Variants in PCTP observed in about 807,000 individuals in gnomAD.
The protein encoded by PCTP is phosphatidylcholine transfer protein.
In PCTP, 27 loss-of-function variants were observed where a neutral mutation model predicts 31.0. The ratio of observed to expected loss-of-function variants is 0.87; its 90% confidence interval spans 0.64 to 1.20. The LOEUF (loss-of-function observed/expected upper bound fraction) is 1.20, where lower values mean the gene tolerates loss of function less well. PCTP is among the 50% of genes most tolerant of loss of function. The pLI is 0.00. For missense variants in PCTP, 287 were observed against 268.2 expected (o/e 1.07, Z -0.49); for synonymous variants, 108 against 101.2 (o/e 1.07, Z -0.40).
Position 55,776,738 on chromosome 17 carries a change from A to C in PCTP, c.*638A>C, listed in dbSNP as rs905928055. 7.5e-5 allele frequency: 88 copies of C among 1,175,056 alleles called. No individual in the cohort carries two copies. Among genetic ancestry groups the C allele is most frequent in the Non-Finnish European group, 8.7e-5 (83 of 952,196 alleles). The allele number at this position is 1,175,056 out of a possible 1,614,324, so 72.8% of individuals were successfully genotyped here. A position where few individuals can be genotyped will look rare whatever the true frequency, so the allele number is the denominator to read the frequency against. ...GGATCAGTAGCTGTTATGATGCCAG[A>C]CCATTTGGAGAAGTATCAGAGGCCT... On this transcript the variant is annotated 3_prime_UTR_variant, in exon 6 of 6. Coordinates refer to ENST00000268896, the MANE Select transcript of PCTP (RefSeq NM_021213.4).
intron 5 of PCTP, among the ~76,000 whole-genome samples, chr17:55,830,188 C>A (rs1338268775): frequency 2.0e-5 from 3 of 152,146 alleles, no homozygotes; most frequent in African/African-American, 7.2e-5. Flanking sequence ...AAAACCTGGG[C>A]ATCAGGGAGA....
chr17:55,798,282 T>C (rs1567724272), intron 3 of PCTP, among the ~76,000 whole-genome samples: 2 of 151,978 alleles, frequency 1.3e-5, no homozygotes, highest in African/African-American at 4.8e-5. Context: ...AGGGATAATA[T>C]AGCAGAAGCA....
At chr17:55,751,270 G>C in intron 1 of PCTP, 26 bp downstream of exon 1, 1 of 1,527,898 alleles carries the variant, frequency 6.5e-7, no homozygotes, top group Non-Finnish European at 8.8e-7. Flanking sequence ...CTGGAGGACC[G>C]CGGGGCCTAG....
chr17:55,771,283 A>C, intron 3 of PCTP, 98 bp downstream of exon 3: 2 of 901,416 alleles, frequency 2.2e-6, no homozygotes, highest in Non-Finnish European at 3.7e-6. Flanking sequence ...GTTTCTCAGC[A>C]GGCACAGATA....
Position 55,751,096 on chromosome 17 carries a change from G to T in PCTP, c.-8G>T. On this transcript the variant is annotated 5_prime_UTR_variant, in exon 1 of 6. Transcript: ENST00000268896. ...CCCTCCAGGCGGAGGAGCCCGGACTGCGGAAGGATGGAGCTGGCCGCCGGA... is the reference window on the plus strand; with the variant it reads ...CCCTCCAGGCGGAGGAGCCCGGACTTCGGAAGGATGGAGCTGGCCGCCGGA... 6.5e-7 allele frequency: 1 copy of T among 1,531,902 alleles called. No individual in the cohort carries two copies. Among genetic ancestry groups the T allele is most frequent in the Non-Finnish European group, 8.8e-7 (1 of 1,139,584 alleles). The allele number at this position is 1,531,902 out of a possible 1,614,324, so 94.9% of individuals were successfully genotyped here. A position where few individuals can be genotyped will look rare whatever the true frequency, so the allele number is the denominator to read the frequency against.
chr17:55,806,703 C>CAGG (rs960837711), intron 3 of PCTP, among the ~76,000 whole-genome samples: 5 of 152,074 alleles, frequency 3.3e-5, no homozygotes, highest in Non-Finnish European at 5.9e-5. Context: ...CGGTACTGGA[C>CAGG]AGGAACATGC....
intron 4 of PCTP, 90 bp downstream of exon 4, chr17:55,773,985 C>A: frequency 7.1e-7 from 1 of 1,401,768 alleles, no homozygotes. Context: ...GTACATGAAG[C>A]GTATCCCTGA....
chr17:55,846,446 T>C (rs1448596272), downstream of PCTP, among the ~76,000 whole-genome samples: 2 of 151,814 alleles, frequency 1.3e-5, no homozygotes, highest in Non-Finnish European at 2.9e-5. Flanking sequence ...CAAGTAGAGG[T>C]GAGCGCTTTG....
intron 3 of PCTP, among the ~76,000 whole-genome samples, chr17:55,806,568 C>A (rs1181571209): frequency 2.0e-5 from 3 of 152,126 alleles, no homozygotes; most frequent in African/African-American, 7.2e-5. Flanking sequence ...TAGGAAACAA[C>A]ATCCTACCCT....
chr17:55,831,758 G>A (rs1330892874), intron 5 of PCTP, among the ~76,000 whole-genome samples: 3 of 152,028 alleles, frequency 2.0e-5, no homozygotes, highest in East Asian at 1.9e-4. Flanking sequence ...CAGTCACCAC[G>A]CCCGGCCAAA....
At chr17:55,821,191 A>G (rs1181933645) in intron 3 of PCTP, among the ~76,000 whole-genome samples, 1 of 152,258 alleles carries the variant, frequency 6.6e-6, no homozygotes, top group African/African-American at 2.4e-5. Context: ...TATCTGTACA[A>G]TGAAATATTA....
intron 5 of PCTP, among the ~76,000 whole-genome samples, chr17:55,832,019 G>A (rs556836707): frequency 6.6e-6 from 1 of 152,206 alleles, no homozygotes; most frequent in South Asian, 2.1e-4. Context: ...AGCTTGCAGC[G>A]AGCCGAGATT....
At position 55,840,590 on chromosome 17, in the gene PCTP, A is replaced by G. The variant is rs754508414; in HGVS notation, n.506-2137A>G. 2.7e-5 allele frequency among the ~76,000 whole-genome samples: 4 copies of G among 148,952 alleles called. No individual in the cohort carries two copies. In the South Asian group the frequency reaches 8.3e-4, roughly 31 times the overall value. Reference sequence around the variant, plus strand: ...TCCAAAAATATTAAGATATTTAGAGAGACAGCGCAAGAGTGAGAGTGCAAG... The same window carrying G: ...TCCAAAAATATTAAGATATTTAGAGGGACAGCGCAAGAGTGAGAGTGCAAG... On this transcript the variant is annotated intron_variant and non_coding_transcript_variant, in intron 5 of 5. Transcript: ENST00000576221.
At chr17:55,832,345 C>T (rs1286759612) in intron 5 of PCTP, among the ~76,000 whole-genome samples, 1 of 152,150 alleles carries the variant, frequency 6.6e-6, no homozygotes, top group Non-Finnish European at 1.5e-5. Flanking sequence ...CCAGATACAT[C>T]CTTCTTCTAA....
In PCTP at chr17:55,767,334, G is replaced by C; in HGVS notation, c.142-1G>C. 4 of 1,584,668 alleles carry C rather than the reference G, an allele frequency of 2.5e-6. No homozygotes were observed. Among genetic ancestry groups the C allele is most frequent in the Non-Finnish European group, 3.5e-6 (4 of 1,155,764 alleles). On this transcript the variant is annotated splice_acceptor_variant, in intron 1 of 5. Transcript: ENST00000268896. LOFTEE classifies it high-confidence loss of function. ...CATTTCTACCTGTTCTGTTTTTATAGAAGACTGGACTTTATGAGTATAAAG... is the reference window on the plus strand; with the variant it reads ...CATTTCTACCTGTTCTGTTTTTATACAAGACTGGACTTTATGAGTATAAAG...
intron 5 of PCTP, chr17:55,775,706 T>G (rs1397723429): frequency 8.2e-7 from 1 of 1,217,710 alleles, no homozygotes; most frequent in East Asian, 3.5e-5. Context: ...CTTTCATTTC[T>G]TTGGAAGAAT....
Position 55,771,117 on chromosome 17 carries a change from C to A in PCTP, c.271C>A (p.Gln91Lys). ...WDQYVKELYE[Q>K]ECNGETVVYW... ...TTGCTTTCCTTTAGAACTCTATGAA[C>A]AAGAATGCAACGGAGAGACTGTGGT... The change falls in exon 3 of 6, where the codon CAA becomes AAA. Residue 91 changes from glutamine to lysine, a missense_variant. Transcript: ENST00000268896. 1.9e-6 allele frequency: 3 copies of A among 1,612,954 alleles called. No individual in the cohort carries two copies. Among genetic ancestry groups the A allele is most frequent in the Non-Finnish European group, 2.5e-6 (3 of 1,178,974 alleles).
chr17:55,792,103 C>T (rs1398625191), intron 3 of PCTP, among the ~76,000 whole-genome samples: 1 of 135,448 alleles, frequency 7.4e-6, no homozygotes, highest in Non-Finnish European at 1.5e-5. Flanking sequence ...GGGAATTGAG[C>T]AATGAGAACA....
At chr17:55,824,736 G>T (rs1284135009), downstream of PCTP, among the ~76,000 whole-genome samples, 1 of 152,170 alleles carries the variant, frequency 6.6e-6, no homozygotes, top group Non-Finnish European at 1.5e-5. Context: ...TTGGGCCCAG[G>T]AATGGCCTGG....
Sources: gnomAD v4.1 joint callset for allele counts (sites outside exome capture counted in the v4.1 genomes callset) on GRCh38, gnomAD v4.1.1 for gene constraint, MANE v1.5 for transcripts, NCBI Gene and HGNC (gene_info 2026-07-23, HGNC 2026-07-21) for gene names.